TLN1: variants seen among roughly 807,000 people sequenced by gnomAD.
TLN1 encodes the protein talin-1.
TLN1 carries 56 observed loss-of-function variants against 292.3 expected under a neutral mutation model. The ratio of observed to expected loss-of-function variants is 0.19; its 90% CI spans 0.15 to 0.24. The LOEUF (loss-of-function observed/expected upper bound fraction) is 0.24. TLN1 is among the 10% of genes least tolerant of loss of function. TLN1 has a pLI of 1.00. For missense variants in TLN1, 2,433 were observed against 3,248.2 expected, an observed-to-expected ratio of 0.75 and a Z score of 6.10; for synonymous variants, 1,119 against 1,253.7, an observed-to-expected ratio of 0.89 and a Z score of 2.27.
At chr9:35,705,244 CAAGA>C (rs766032175) in intron 43 of TLN1, among the ~76,000 whole-genome samples, 1 of 152,148 alleles carries the variant, frequency 6.6e-6, no homozygotes, top group Non-Finnish European at 1.5e-5. Flanking sequence ...GAGTTTGCAA[CAAGA>C]AAGAACAAGA....
intron 33 of TLN1, among the ~76,000 whole-genome samples, chr9:35,709,809 C>A (rs1825629111): frequency 6.9e-6 from 1 of 144,376 alleles, no homozygotes; most frequent in African/African-American, 2.6e-5. Context: ...ATGGCGTGAA[C>A]CCGGGAGGCG....
intron 1 of TLN1, among the ~76,000 whole-genome samples, chr9:35,728,280 A>G (rs895700658): frequency 6.6e-6 from 1 of 152,222 alleles, no homozygotes; most frequent in Admixed American, 6.5e-5. Flanking sequence ...ATAGGGAGTT[A>G]CAGACAGGAA....
chr9:35,705,649 G>A lies in TLN1; in HGVS notation c.5635C>T (p.Pro1879Ser). ...TTAGCAAGAGGGCCCAGCTCCTCTGGGCTGGTGTTTGACTTGGTAACCTGG... is the reference window on the plus strand; with the variant it reads ...TTAGCAAGAGGGCCCAGCTCCTCTGAGCTGGTGTTTGACTTGGTAACCTGG... Reference protein sequence around the residue: ...QEMVTKSNTSPEELGPLANQL... With the variant: ...QEMVTKSNTSSEELGPLANQL... The change falls in exon 43 of 57, where the codon CCA becomes TCA. Residue 1879 changes from proline (P) to serine (S), a missense_variant. Transcript: ENST00000314888. 1 of 1,610,916 alleles carries A rather than the reference G, an allele frequency of 6.2e-7. No homozygotes were observed. The highest frequency in any genetic ancestry group is 8.5e-7 in the Non-Finnish European group (1 of 1,177,274).
In TLN1 at chr9:35,708,350, G is replaced by C. The variant is rs1377648480; in HGVS notation, c.4461C>G (p.Thr1487=). The change falls in exon 34 of 57, where the codon ACC becomes ACG. Residue 1487 remains threonine, a synonymous_variant. Transcript: ENST00000314888. ...ACQSLGEPGC[T]QAQVLSAATI... The stretch of plus-strand genomic sequence containing the variant: ...TGTTCCCTTGAGTTACCTGGGCCTG[G>C]GTACAGCCAGGCTCTCCCAAACTCT... 6 of 1,606,178 alleles carry C rather than the reference G, an allele frequency of 3.7e-6. No individual in the cohort carries two copies. The East Asian group carries it at 9.0e-5, about 24-fold the overall frequency.
chr9:35,724,934 T>C lies in TLN1; in HGVS notation c.254A>G (p.Gln85Arg). Residue 85 changes from glutamine to arginine, a missense_variant, in exon 4 of 57, where the codon CAG becomes CGG. Gln to Arg is a conservative substitution (Grantham distance 43, BLOSUM62 1). This residue lies in a region of TLN1 where 155 missense variants were observed against 287.9 expected (regional missense o/e 0.54). Coordinates refer to ENST00000314888, the MANE Select transcript of TLN1 (RefSeq NM_006289.4). The surrounding 1 kb of genome is among the most constrained non-coding windows in gnomAD (Gnocchi z 4.7). Reference protein sequence around the residue: ...NGDTMEYRKKQRPLKIRMLDG... With the variant: ...NGDTMEYRKKRRPLKIRMLDG... ...CAGCATACGGATCTTCAGGGGTCTC[T>C]GTTTCTTCCTGTACTCCATAGTGTC... 2 of 1,614,216 alleles carry C rather than the reference T, an allele frequency of 1.2e-6. No individual in the cohort carries two copies. Among genetic ancestry groups the C allele is most frequent in the Admixed American group, 1.7e-5 (1 of 60,022 alleles).
rs535235222 is a variant in TLN1 at position 35,718,839 on chromosome 9, C to A, written c.1968G>T (p.Gly656=). The change falls in exon 17 of 57, where the codon GGG becomes GGT. Residue 656 remains glycine, a synonymous_variant. Coordinates refer to ENST00000314888, the MANE Select transcript of TLN1 (RefSeq NM_006289.4). ...GGAAGTGGGGGTCAGTATCACTTTC[C>A]CCAATTTGTTGCAACAGCTCCCCAC... The part of the protein sequence containing the change: ...QASGELLQQI[G]ESDTDPHFQD... The A allele has an allele frequency of 1.2e-6, 2 of 1,613,772 alleles. No homozygotes were observed. Among genetic ancestry groups the A allele is most frequent in the South Asian group, 2.2e-5 (2 of 90,972 alleles).
At position 35,714,417 on chromosome 9, in the gene TLN1, C is replaced by CTGGGCT. The variant is rs768747608; in HGVS notation, c.2986-50_2986-45dup. 2 of 1,584,354 alleles carry CTGGGCT rather than the reference C, an allele frequency of 1.3e-6. No individual in the cohort carries two copies. The highest frequency in any genetic ancestry group is 1.7e-6 in the Non-Finnish European group (2 of 1,165,694). ...GTGGATGAAGTGTGCCATCCTCCCTCTGGGCTTGGGTACAAGGACTGATGA... is the reference window on the plus strand; with the variant it reads ...GTGGATGAAGTGTGCCATCCTCCCTCTGGGCTTGGGCTTGGGTACAAGGACTGATGA... On this transcript the variant is annotated intron_variant, in intron 23 of 56. Coordinates refer to ENST00000314888, the MANE Select transcript of TLN1 (RefSeq NM_006289.4). The surrounding 1 kb of genome is among the most constrained non-coding windows in gnomAD (Gnocchi z 4.6).
In TLN1 at chr9:35,725,292, C is replaced by T. The variant is rs1303513893; in HGVS notation, c.160G>A (p.Asp54Asn). The change falls in exon 3 of 57, where the codon GAT (aspartate) becomes AAT (asparagine). Residue 54 changes from aspartate (D) to asparagine (N), a missense_variant. This residue lies in a region of TLN1 where 155 missense variants were observed against 287.9 expected (regional missense o/e 0.54). Coordinates refer to ENST00000314888, the MANE Select transcript of TLN1 (RefSeq NM_006289.4). ...AGCCATATACCCTTTTTGGGGTCAT[C>T]ATCTGACAGAAAGAGCCCAAAGTCG... ...PSDFGLFLSD[D>N]DPKKGIWLEA... 6.2e-7 allele frequency: 1 copy of T among 1,614,012 alleles called. No individual in the cohort carries two copies.
Position 35,715,116 on chromosome 9 carries a change from C to T in TLN1, c.2697G>A (p.Met899Ile), listed in dbSNP as rs755189562. The T allele has an allele frequency of 6.2e-7, 1 of 1,613,300 alleles. No homozygotes were observed. Among genetic ancestry groups the T allele is most frequent in the Non-Finnish European group, 8.5e-7 (1 of 1,180,048 alleles). The change falls in exon 21 of 57, where the codon ATG (methionine) becomes ATA (isoleucine). Residue 899 changes from methionine to isoleucine, a missense_variant. Physicochemically the swap from Met to Ile is conservative, Grantham distance 10 (BLOSUM62 1). This residue lies in a region of TLN1 where 617 missense variants were observed against 770.6 expected (regional missense o/e 0.80). Coordinates refer to ENST00000314888, the MANE Select transcript of TLN1 (RefSeq NM_006289.4). Reference sequence around the variant, plus strand: ...CATTCTGCGCAGCTGCATTGGTGGCCATGCGCAGCCCCTCAGCTGCCTCCC... The same window carrying T: ...CATTCTGCGCAGCTGCATTGGTGGCTATGCGCAGCCCCTCAGCTGCCTCCC... Reference protein sequence around the residue: ...RLREAAEGLRMATNAAAQNAI... With the variant: ...RLREAAEGLRIATNAAAQNAI...
Position 35,707,326 on chromosome 9 carries a change from T to G in TLN1, c.4773+22A>C, listed in dbSNP as rs76941319. 1.2e-6 allele frequency: 2 copies of G among 1,612,474 alleles called. No individual in the cohort carries two copies. The highest frequency in any genetic ancestry group is 4.5e-5 in the East Asian group (2 of 44,812). ...ATGAGGTGATAAGCTGGCCCATCAG[T>G]TCCCCCTTCACATCGCCTCACCTCA... On this transcript the variant is annotated intron_variant, in intron 36 of 56. Transcript: ENST00000314888. This position sits in a 1 kb window ranked among gnomAD's most constrained non-coding sequence, Gnocchi z 5.6.
At chr9:35,711,178 C>T in intron 30 of TLN1, 77 bp downstream of exon 30, 1 of 1,610,474 alleles carries the variant, frequency 6.2e-7, no homozygotes, top group Non-Finnish European at 8.5e-7. Flanking sequence ...ATTCCTAAGC[C>T]AAGAAGCTCT....
rs777895143 is a variant in TLN1 at position 35,724,386 on chromosome 9, T to G, written c.512-52A>C. On this transcript the variant is annotated intron_variant, in intron 5 of 56. Transcript: ENST00000314888. This position sits in a 1 kb window ranked among gnomAD's most constrained non-coding sequence, Gnocchi z 4.7. The stretch of plus-strand genomic sequence containing the variant: ...CCAAACCCCCATGGCCCCTGTGCTG[T>G]CTGGTCTCTGTTTATTTCTGCATTT... The G allele has an allele frequency of 1.9e-6, 3 of 1,607,952 alleles. No individual in the cohort carries two copies. Among genetic ancestry groups the G allele is most frequent in the Non-Finnish European group, 2.6e-6 (3 of 1,175,356 alleles).
rs1307631134 is a variant in TLN1 at position 35,697,865 on chromosome 9, C to T, written c.7552G>A (p.Ala2518Thr). 1 of 1,614,200 alleles carries T rather than the reference C, an allele frequency of 6.2e-7. No individual in the cohort carries two copies. The highest frequency in any genetic ancestry group is 1.7e-5 in the Admixed American group (1 of 60,028). The change falls in exon 57 of 57, where the codon GCG (alanine) becomes ACG (threonine). Residue 2518 changes from alanine to threonine, a missense_variant. This residue lies in a region of TLN1 where 141 missense variants were observed against 248.5 expected (regional missense o/e 0.57). Transcript: ENST00000314888. ...CGGATCTGGGCCAGTTTCTTCCGCG[C>T]CTCTTCCAGCTCTCGTTCCTTCCGA... The part of the protein sequence containing the change: ...MLRKERELEE[A>T]RKKLAQIRQQ...
intron 1 of TLN1, among the ~76,000 whole-genome samples, chr9:35,731,145 G>A (rs1213836584): frequency 6.6e-6 from 1 of 152,126 alleles, no homozygotes; most frequent in Non-Finnish European, 1.5e-5. Flanking sequence ...TGGGTAAAAA[G>A]AAGCCCCTGT....
rs1563940037 is a variant in TLN1, at chr9:35,705,954, ACT to A, written c.5511+6_5511+7del. 2 of 1,613,914 alleles carry A rather than the reference ACT, an allele frequency of 1.2e-6. No homozygotes were observed. The highest frequency in any genetic ancestry group is 2.2e-5 in the East Asian group (1 of 44,880). On this transcript the variant is annotated splice_donor_region_variant and intron_variant, in intron 41 of 56. Coordinates refer to ENST00000314888, the MANE Select transcript of TLN1 (RefSeq NM_006289.4). ...CCTCAGTGTCCAAAGGCACCCCAAGACTCTAACCTGGTTGATGGCCTGGGTGA... is the reference window on the plus strand; with the variant it reads ...CCTCAGTGTCCAAAGGCACCCCAAGACTAACCTGGTTGATGGCCTGGGTGA...
chr9:35,705,564 G>A lies in TLN1; in HGVS notation c.5720C>T (p.Ala1907Val). Residue 1907 changes from alanine to valine, a missense_variant, in exon 43 of 57, where the codon GCT becomes GTT. Physicochemically the swap from Ala to Val is moderately conservative, Grantham distance 64. Coordinates refer to ENST00000314888, the MANE Select transcript of TLN1 (RefSeq NM_006289.4). ...ASEAKPAAVAAENEEIGSHIK... is the reference protein window; with the variant it reads ...ASEAKPAAVAVENEEIGSHIK... Reference sequence around the variant, plus strand: ...CTCCACGTTTACCTCTTCATTTTCAGCAGCCACCGCTGCAGGCTTGGCCTC... The same window carrying A: ...CTCCACGTTTACCTCTTCATTTTCAACAGCCACCGCTGCAGGCTTGGCCTC... The A allele has an allele frequency of 1.3e-6, 2 of 1,589,220 alleles. No individual in the cohort carries two copies. The highest frequency in any genetic ancestry group is 2.7e-5 in the African/African-American group (2 of 74,066).
Position 35,724,546 on chromosome 9 carries a change from G to GCCCTCTTTTTTCTAGTT in TLN1, c.511+9_511+25dup. ...CCTTCCCACCCTTCCCATTTCAAAA[G>GCCCTCTTTTTTCTAGTT]CCCTCTTTTTTCTAGTTCTGCTTAC... On this transcript the variant is annotated intron_variant, in intron 5 of 56. Coordinates refer to ENST00000314888, the MANE Select transcript of TLN1 (RefSeq NM_006289.4). This position sits in a 1 kb window ranked among gnomAD's most constrained non-coding sequence, Gnocchi z 4.7. The GCCCTCTTTTTTCTAGTT allele has an allele frequency of 1.2e-6, 2 of 1,602,334 alleles. No individual in the cohort carries two copies. The highest frequency in any genetic ancestry group is 1.7e-6 in the Non-Finnish European group (2 of 1,173,972).
At chr9:35,716,948 G>T (rs899526458) in intron 19 of TLN1, among the ~76,000 whole-genome samples, 198 bp downstream of exon 19, 1 of 152,140 alleles carries the variant, frequency 6.6e-6, no homozygotes, top group African/African-American at 2.4e-5. Flanking sequence ...GAAGGTAGAG[G>T]ACTTAATATT....
At position 35,699,749 on chromosome 9, in the gene TLN1, GA is replaced by G. The variant is rs1399034378; in HGVS notation, c.6768+224del. The G allele has an allele frequency of 2.1e-6, 2 of 943,482 alleles. No individual in the cohort carries two copies. Among genetic ancestry groups the G allele is most frequent in the African/African-American group, 1.8e-5 (1 of 56,422 alleles). The allele number at this position is 943,482 out of a possible 1,614,324, so 58.4% of individuals were successfully genotyped here. On this transcript the variant is annotated intron_variant, in intron 50 of 56. Coordinates refer to ENST00000314888, the MANE Select transcript of TLN1 (RefSeq NM_006289.4). This position sits in a 1 kb window ranked among gnomAD's most constrained non-coding sequence, Gnocchi z 4.0. ...GGGGTGGTCAGGTGGGAAGGGAGGA[GA>G]AAAGAAAAAGAGGAAGAGGAAGAGG...
Sources: gnomAD v4.1 joint callset for allele counts (sites outside exome capture counted in the v4.1 genomes callset) on GRCh38, gnomAD v4.1.1 for gene constraint, gnomAD v4.1.1 regional missense constraint, Gnocchi (gnomAD v3.1) non-coding constraint, MANE v1.5 for transcripts, NCBI Gene and HGNC (gene_info 2026-07-23, HGNC 2026-07-21) for gene names.